The following RUFY4 variants were observed in gnomAD, a reference collection of about 807,000 sequenced individuals.
RUFY4 encodes RUN and FYVE domain containing 4.
RUFY4 carries 73 observed loss-of-function variants against 69.0 expected under a neutral mutation model. The ratio of observed to expected loss-of-function variants is 1.06; its 90% CI spans 0.88 to 1.29. The LOEUF is 1.29. Ranked by LOEUF, RUFY4 falls within the 50% of genes most tolerant of loss-of-function variation. The pLI is 0.00. For synonymous variants in RUFY4, 287 were observed against 271.8 expected, an observed-to-expected ratio of 1.06 and a Z score of -0.55; for missense variants, 770 against 705.6, an observed-to-expected ratio of 1.09 and a Z score of -1.03.
intron 2 of RUFY4, among the ~76,000 whole-genome samples, chr2:218,051,666 G>A (rs1012052443): frequency 2.0e-5 from 3 of 151,484 alleles, no homozygotes; most frequent in Non-Finnish European, 4.4e-5. Context: ...GGTTTATGAA[G>A]GATGGTTTTG....
At chr2:218,048,885 A>G (rs1015212777) in intron 2 of RUFY4, among the ~76,000 whole-genome samples, 1 of 152,242 alleles carries the variant, frequency 6.6e-6, no homozygotes, top group Admixed American at 6.5e-5. Context: ...TAAAAATCAC[A>G]TTCAGATTGC....
intron 2 of RUFY4, among the ~76,000 whole-genome samples, chr2:218,051,831 CT>C (rs1201280650): frequency 6.6e-6 from 1 of 152,178 alleles, no homozygotes; most frequent in Non-Finnish European, 1.5e-5. Flanking sequence ...AAATATTGAT[CT>C]GCTTTTAGTA....
intron 8 of RUFY4, among the ~76,000 whole-genome samples, chr2:218,081,914 T>A (rs1689766800): frequency 6.6e-6 from 1 of 152,204 alleles, no homozygotes; most frequent in Non-Finnish European, 1.5e-5. Flanking sequence ...CAATTCATTG[T>A]CAAGCCTCTT....
intron 2 of RUFY4, among the ~76,000 whole-genome samples, chr2:218,071,758 G>A (rs891253540): frequency 6.6e-6 from 1 of 152,088 alleles, no homozygotes; most frequent in Admixed American, 6.5e-5. Flanking sequence ...CTTTATCAGG[G>A]CCACAGTGTC....
intron 2 of RUFY4, among the ~76,000 whole-genome samples, chr2:218,039,000 C>A (rs760942406): frequency 1.3e-5 from 2 of 152,070 alleles, no homozygotes; most frequent in South Asian, 2.1e-4. Flanking sequence ...AGTGGGCAAT[C>A]GGTTGCATAA....
At chr2:218,035,212 T>TA (rs955397500) in intron 1 of RUFY4, 2 of 152,178 alleles carry the variant, frequency 1.3e-5, no homozygotes, top group African/African-American at 4.8e-5. Flanking sequence ...CCCTGGAACT[T>TA]ACGGGGATAG....
rs151280340 is a variant in RUFY4 at position 218,071,398 on chromosome 2, A to G, written c.153+539A>G. Among the ~76,000 whole-genome samples, 44 of 152,196 alleles carry G rather than the reference A, an allele frequency of 2.9e-4. No individual in the cohort carries two copies. The East Asian group carries it at 6.8e-3, about 23-fold the overall frequency. On this transcript the variant is annotated intron_variant, in intron 2 of 10. Coordinates refer to ENST00000344321, the Ensembl canonical transcript of RUFY4. Reference sequence around the variant, plus strand: ...GGCCTCTTGGATCTTCCTGGAGCACACCAGTCATGCTCCTGCCTCGGGGCC... The same window carrying G: ...GGCCTCTTGGATCTTCCTGGAGCACGCCAGTCATGCTCCTGCCTCGGGGCC...
intron 2 of RUFY4, among the ~76,000 whole-genome samples, chr2:218,040,707 G>T (rs1395189345): frequency 6.6e-6 from 1 of 152,050 alleles, no homozygotes; most frequent in Non-Finnish European, 1.5e-5. Flanking sequence ...TTTGCCCTAA[G>T]ATTTTGTCTT....
intron 7 of RUFY4, 111 bp downstream of exon 9, chr2:218,075,851 A>G: frequency 9.1e-7 from 1 of 1,099,894 alleles, no homozygotes; most frequent in Non-Finnish European, 1.2e-6. Context: ...GTCAATTTTT[A>G]TTGGCCCACT....
chr2:218,073,537 G>T (rs1204345360), intron 5 of RUFY4, among the ~76,000 whole-genome samples, 151 bp downstream of exon 7: 3 of 152,160 alleles, frequency 2.0e-5, no homozygotes, highest in African/African-American at 7.2e-5. Flanking sequence ...AGCCCTCGAT[G>T]CTCCCAGTGC....
At position 218,087,606 on chromosome 2, in the gene RUFY4, A is replaced by T. The variant is rs150551680; in HGVS notation, c.1503-1646A>T. Among the ~76,000 whole-genome samples the T allele has an allele frequency of 4.6e-5, 7 of 152,334 alleles. No individual in the cohort carries two copies. In the East Asian group the frequency reaches 1.3e-3, roughly 29 times the overall value. On this transcript the variant is annotated intron_variant, in intron 9 of 10. Coordinates refer to ENST00000344321, the Ensembl canonical transcript of RUFY4. ...CACTTTGGAAGTCCAAGTCAGGTGGATCTCCTGAGTTCAGGAGTTTGAGAC... is the reference window on the plus strand; with the variant it reads ...CACTTTGGAAGTCCAAGTCAGGTGGTTCTCCTGAGTTCAGGAGTTTGAGAC...
chr2:218,075,515 C>G (rs767250082), exon 7 of RUFY4: 1 of 1,560,958 alleles, frequency 6.4e-7, no homozygotes, highest in South Asian at 1.2e-5. Flanking sequence ...AGTGGAGTCA[C>G]GTCCAGAGGC....
upstream of RUFY4, among the ~76,000 whole-genome samples, chr2:218,064,278 T>C (rs1288490381): frequency 6.6e-6 from 1 of 151,964 alleles, no homozygotes; most frequent in African/African-American, 2.4e-5. Flanking sequence ...ACCAAGAACC[T>C]TCAGCTCCTG....
intron 8 of RUFY4, among the ~76,000 whole-genome samples, chr2:218,080,901 C>T (rs1689746738): frequency 6.6e-6 from 1 of 152,202 alleles, no homozygotes; most frequent in Non-Finnish European, 1.5e-5. Flanking sequence ...CCCCTCCACT[C>T]ATCAAGCTAT....
chr2:218,068,620 A>C (rs900140642), upstream of RUFY4: 5 of 153,004 alleles, frequency 3.3e-5, no homozygotes, highest in African/African-American at 1.2e-4. Context: ...AGCCTGGAGA[A>C]ACGAGGACCC....
chr2:218,078,899 C>T (rs1341463814), intron 8 of RUFY4, among the ~76,000 whole-genome samples: 1 of 152,172 alleles, frequency 6.6e-6, no homozygotes, highest in African/African-American at 2.4e-5. Flanking sequence ...CAGAGTTTCG[C>T]TCTTGCTGCC....
chr2:218,055,934 T>G (rs1361634028), intron 2 of RUFY4, among the ~76,000 whole-genome samples: 1 of 152,204 alleles, frequency 6.6e-6, no homozygotes, highest in Non-Finnish European at 1.5e-5. Context: ...GATAATGCTA[T>G]CATTAAAATT....
chr2:218,084,040 G>A (rs1324702430), intron 9 of RUFY4, among the ~76,000 whole-genome samples: 1 of 152,124 alleles, frequency 6.6e-6, no homozygotes, highest in Admixed American at 6.5e-5. Flanking sequence ...CAGACATTGG[G>A]CTCACCAGGG....
chr2:218,037,306 C>A (rs1958993960), intron 2 of RUFY4, among the ~76,000 whole-genome samples: 1 of 138,542 alleles, frequency 7.2e-6, no homozygotes, highest in Non-Finnish European at 1.5e-5. Flanking sequence ...GGCAATAGTG[C>A]AAAACTCAGT....
Sources: gnomAD v4.1 joint callset for allele counts (sites outside exome capture counted in the v4.1 genomes callset) on GRCh38, gnomAD v4.1.1 for gene constraint, MANE v1.5 for transcripts, NCBI Gene and HGNC (gene_info 2026-07-23, HGNC 2026-07-21) for gene names.